Variants in TET1 observed in about 807,000 individuals in gnomAD.
TET1 encodes the protein methylcytosine dioxygenase TET1.
A neutral mutation model predicts 148.7 loss-of-function variants in TET1; 13 were observed. That is an observed-to-expected ratio of 0.09 (90% CI 0.06 to 0.14). TET1 has a LOEUF of 0.14. TET1 is among the 10% of genes least tolerant of loss of function. The pLI, the probability that TET1 is intolerant of heterozygous loss-of-function variation, is 1.00. For synonymous variants in TET1, 907 were observed against 937.2 expected (o/e 0.97, Z 0.59); for missense variants, 2,182 against 2,553.8 (o/e 0.85, Z 3.14).
At chr10:68,636,633 T>A (rs1317954610) in intron 3 of TET1, among the ~76,000 whole-genome samples, 1 of 152,150 alleles carries the variant, frequency 6.6e-6, no homozygotes, top group Non-Finnish European at 1.5e-5. Context: ...GTGATCCTCT[T>A]ACTGCACTAC....
intron 3 of TET1, among the ~76,000 whole-genome samples, chr10:68,627,069 C>T (rs1391993058): frequency 6.6e-6 from 1 of 151,952 alleles, no homozygotes; most frequent in Non-Finnish European, 1.5e-5. Flanking sequence ...GTAAGAAGTT[C>T]GAGACCAGCC....
chr10:68,650,877 A>G (rs1042138797), intron 4 of TET1, among the ~76,000 whole-genome samples: 6 of 152,174 alleles, frequency 3.9e-5, no homozygotes, highest in African/African-American at 7.2e-5. Flanking sequence ...ATACGACGCA[A>G]ACATCTTCCT....
chr10:68,660,746 T>G (rs1398402857), intron 6 of TET1, among the ~76,000 whole-genome samples: 1 of 151,462 alleles, frequency 6.6e-6, no homozygotes, highest in Admixed American at 6.6e-5. Flanking sequence ...CTGAAACCTC[T>G]GCCTCCCAGG....
intron 11 of TET1, among the ~76,000 whole-genome samples, chr10:68,688,083 C>A (rs2055539634): frequency 6.6e-6 from 1 of 152,082 alleles, no homozygotes; most frequent in Admixed American, 6.6e-5. Context: ...CCACACCTGG[C>A]TCTTACCAGC....
chr10:68,627,885 G>T (rs1397059761), intron 3 of TET1, among the ~76,000 whole-genome samples: 1 of 152,100 alleles, frequency 6.6e-6, no homozygotes, highest in East Asian at 1.9e-4. Flanking sequence ...GCAGTGAGCT[G>T]AGATCGCACC....
intron 3 of TET1, among the ~76,000 whole-genome samples, chr10:68,624,690 C>CTTTCTTTCTT (rs1447911875): frequency 8.1e-5 from 10 of 123,266 alleles, no homozygotes; most frequent in African/African-American, 3.2e-4. Flanking sequence ...CTCTCTCTCT[C>CTTTCTTTCTT]TCTCTCTTTC....
intron 3 of TET1, among the ~76,000 whole-genome samples, chr10:68,631,311 C>G (rs913821824): frequency 6.6e-6 from 1 of 151,840 alleles, no homozygotes; most frequent in Non-Finnish European, 1.5e-5. Context: ...TGTAGTAGAT[C>G]GAAGAGTGCA....
At chr10:68,602,776 G>C (rs911378941) in intron 3 of TET1, among the ~76,000 whole-genome samples, 1 of 152,102 alleles carries the variant, frequency 6.6e-6, no homozygotes, top group Non-Finnish European at 1.5e-5. Context: ...TCTATAGTTA[G>C]CAATTACTGT....
intron 4 of TET1, among the ~76,000 whole-genome samples, chr10:68,651,464 G>T (rs564767229): frequency 6.6e-6 from 1 of 151,928 alleles, no homozygotes; most frequent in Non-Finnish European, 1.5e-5. Context: ...AAAAAAAGGG[G>T]ATTGCTCAAT....
intron 1 of TET1, among the ~76,000 whole-genome samples, chr10:68,568,105 C>T (rs2053626837): frequency 2.0e-5 from 3 of 152,084 alleles, no homozygotes; most frequent in Admixed American, 1.3e-4. Context: ...CTCGAACTCC[C>T]AACCTCAGGT....
intron 10 of TET1, among the ~76,000 whole-genome samples, chr10:68,685,246 G>GA (rs773868258): frequency 2.6e-4 from 40 of 152,004 alleles, no homozygotes; most frequent in Non-Finnish European, 4.7e-4. Flanking sequence ...TACAGATATT[G>GA]AAAAAAATGA....
At chr10:68,588,822 C>CAAA (rs61499996) in intron 2 of TET1, among the ~76,000 whole-genome samples, 23 of 145,362 alleles carry the variant, frequency 1.6e-4, no homozygotes, top group Admixed American at 2.8e-4. Context: ...GACCCTGTCT[C>CAAA]AAAAAAAAAA....
intron 2 of TET1, among the ~76,000 whole-genome samples, chr10:68,576,506 T>C (rs1311088605): frequency 6.6e-6 from 1 of 151,946 alleles, no homozygotes; most frequent in Non-Finnish European, 1.5e-5. Flanking sequence ...CTACTAAAGA[T>C]ACAAAACTAA....
chr10:68,577,666 A>G (rs1355527202), intron 2 of TET1, among the ~76,000 whole-genome samples: 1 of 152,010 alleles, frequency 6.6e-6, no homozygotes, highest in Non-Finnish European at 1.5e-5. Flanking sequence ...AAAATAGCAG[A>G]GCATGGTGGT....
In TET1 at chr10:68,646,731, G is replaced by T; in HGVS notation, c.4002G>T (p.Leu1334=). The change falls in exon 4 of 12, where the codon CTG becomes CTT. Residue 1334 remains leucine, a synonymous_variant. Transcript: ENST00000373644. ...AGGAGCAACTCATGCATCAGAGACT[G>T]CCAACATTGCCTGGTATCTCTCATG... is the stretch of plus-strand genomic sequence containing the variant. The part of the protein sequence containing the change: ...VVKEQLMHQR[L]PTLPGISHET... 1 of 1,614,136 alleles carries T rather than the reference G, an allele frequency of 6.2e-7. No individual in the cohort carries two copies. The highest frequency in any genetic ancestry group is 2.2e-5 in the East Asian group (1 of 44,876).
chr10:68,620,514 G>A (rs1322225423), intron 3 of TET1, among the ~76,000 whole-genome samples: 1 of 152,110 alleles, frequency 6.6e-6, no homozygotes, highest in Non-Finnish European at 1.5e-5. Context: ...ATGTTTCAAT[G>A]TATGTATTAT....
At position 68,600,962 on chromosome 10, in the gene TET1, G is replaced by C. The variant is rs2054047436; in HGVS notation, c.1915-19G>C. The C allele has an allele frequency of 6.3e-7, 1 of 1,594,208 alleles. No individual in the cohort carries two copies. The highest frequency in any genetic ancestry group is 8.5e-7 in the Non-Finnish European group (1 of 1,175,412). On this transcript the variant is annotated intron_variant, in intron 2 of 11. Transcript: ENST00000373644. ...TATTTCTTAAACAGAGGCTCATTTT[G>C]CAATTTGATTTTTTTTAGGTTATAA...
intron 2 of TET1, among the ~76,000 whole-genome samples, chr10:68,588,992 G>T (rs1048005235): frequency 3.3e-5 from 5 of 151,984 alleles, no homozygotes; most frequent in Admixed American, 2.6e-4. Context: ...GCATGGTGGT[G>T]AGTGCCTGTA....
At chr10:68,623,468 A>C (rs953788166) in intron 3 of TET1, among the ~76,000 whole-genome samples, 1 of 152,210 alleles carries the variant, frequency 6.6e-6, no homozygotes, top group African/African-American at 2.4e-5. Context: ...GATACTTGGC[A>C]AAGGTTGAGG....
Sources: gnomAD v4.1 joint callset for allele counts (sites outside exome capture counted in the v4.1 genomes callset) on GRCh38, gnomAD v4.1.1 for gene constraint, MANE v1.5 for transcripts, NCBI Gene and HGNC (gene_info 2026-07-23, HGNC 2026-07-21) for gene names.